PLCB4: variants seen among roughly 807,000 people sequenced by gnomAD.
PLCB4 encodes the protein phospholipase C beta 4.
In PLCB4, 77 loss-of-function variants were observed where a neutral mutation model predicts 178.8. That is an observed-to-expected ratio of 0.43 (90% CI 0.36 to 0.52). The LOEUF is 0.52. Among genes scored for constraint, PLCB4 ranks in the 20% least tolerant of loss-of-function variants. The probability of loss-of-function intolerance (pLI) is 0.00; values close to 1 mark genes in which losing one functional copy is unlikely to be tolerated. For synonymous variants in PLCB4, 496 were observed against 490.8 expected, an observed-to-expected ratio of 1.01 and a Z score of -0.14; for missense variants, 1,024 against 1,453.4, an observed-to-expected ratio of 0.70 and a Z score of 4.80.
intron 3 of PLCB4, among the ~76,000 whole-genome samples, chr20:9,267,834 G>A (rs957295947): frequency 2.0e-5 from 3 of 152,092 alleles, no homozygotes; most frequent in Non-Finnish European, 4.4e-5. Context: ...ATGGATTAAT[G>A]GAGTAATGGG....
Position 9,395,670 on chromosome 20 carries a change from A to G in PLCB4, c.1510+52A>G, listed in dbSNP as rs1006230369. The G allele has an allele frequency of 5.2e-6, 7 of 1,337,154 alleles. No individual in the cohort carries two copies. The East Asian group carries it at 1.6e-4, about 31-fold the overall frequency. The allele number at this position is 1,337,154 out of a possible 1,614,324, so 82.8% of individuals were successfully genotyped here. On this transcript the variant is annotated intron_variant, in intron 19 of 39. Transcript: ENST00000378473. ...TACATGCTTTGAAAATACTTTTTAAATAAGAAAACCAGGCTGGGCACAGTG... is the reference window on the plus strand; with the variant it reads ...TACATGCTTTGAAAATACTTTTTAAGTAAGAAAACCAGGCTGGGCACAGTG...
At chr20:9,404,630 C>G (rs527469736) in intron 20 of PLCB4, among the ~76,000 whole-genome samples, 16 of 148,916 alleles carry the variant, frequency 1.1e-4, no homozygotes, top group Non-Finnish European at 2.1e-4. Flanking sequence ...AAAAAAGTTG[C>G]TAAAGCCTTC....
At chr20:9,267,586 TG>T (rs141115434) in intron 3 of PLCB4, among the ~76,000 whole-genome samples, 5,241 of 152,172 alleles carry the variant, frequency 0.034, 335 homozygotes, top group African/African-American at 0.12. Context: ...TTGACCTTTT[TG>T]GGGGGTTAAA....
intron 2 of PLCB4, among the ~76,000 whole-genome samples, chr20:9,156,252 A>G (rs2092786062): frequency 6.6e-6 from 1 of 152,052 alleles, no homozygotes; most frequent in South Asian, 2.1e-4. Flanking sequence ...AATGGGCAAT[A>G]CCTCTCTCAA....
At chr20:9,460,808 A>C (rs1313377726) in intron 35 of PLCB4, among the ~76,000 whole-genome samples, 3 of 152,232 alleles carry the variant, frequency 2.0e-5, no homozygotes, top group Non-Finnish European at 2.9e-5. Context: ...ATTACTTTGG[A>C]GTGACAGATA....
At chr20:9,073,531 A>T (rs1378401468) in intron 1 of PLCB4, among the ~76,000 whole-genome samples, 1 of 152,172 alleles carries the variant, frequency 6.6e-6, no homozygotes, top group African/African-American at 2.4e-5. Flanking sequence ...TTTGATAATT[A>T]TATTTCAATG....
intron 2 of PLCB4, among the ~76,000 whole-genome samples, chr20:9,130,984 C>T (rs1388085803): frequency 6.6e-6 from 1 of 152,138 alleles, no homozygotes; most frequent in African/African-American, 2.4e-5. Context: ...TCTTGCATGT[C>T]CATGGGCCTC....
At chr20:9,392,193 A>G (rs2038203976) in intron 17 of PLCB4, among the ~76,000 whole-genome samples, 1 of 152,222 alleles carries the variant, frequency 6.6e-6, no homozygotes, top group Non-Finnish European at 1.5e-5. Flanking sequence ...GGTTCTTGGC[A>G]TCTTGAACAA....
intron 9 of PLCB4, among the ~76,000 whole-genome samples, chr20:9,366,522 A>G (rs2035800785): frequency 6.6e-6 from 1 of 151,892 alleles, no homozygotes; most frequent in Admixed American, 6.6e-5. Context: ...AGGATTCCCC[A>G]TGCATCCCTC....
At chr20:9,391,557 A>C (rs10485731) in intron 17 of PLCB4, among the ~76,000 whole-genome samples, 7,103 of 152,070 alleles carry the variant, frequency 0.047, 402 homozygotes, top group East Asian at 0.24. Context: ...ATGGGAACTG[A>C]AAAAAAATAT....
chr20:9,256,732 T>C (rs910828405), intron 3 of PLCB4, among the ~76,000 whole-genome samples: 1 of 152,244 alleles, frequency 6.6e-6, no homozygotes, highest in African/African-American at 2.4e-5. Flanking sequence ...GTTTTCCATC[T>C]GAGTTGGAAA....
Position 9,337,375 on chromosome 20 carries a change from A to G in PLCB4, c.165+169A>G, listed in dbSNP as rs370564071. Among the ~76,000 whole-genome samples, 16 of 152,340 alleles carry G rather than the reference A, an allele frequency of 1.1e-4. No individual in the cohort carries two copies. The East Asian group carries it at 2.7e-3, about 26-fold the overall frequency. On this transcript the variant is annotated intron_variant, in intron 5 of 39. Transcript: ENST00000378473. ...GCATTGAAGTATACAGTGATGATTA[A>G]GGACATTATCCTCATAGATTCCAGT...
chr20:9,431,701 G>A (rs2041425872), intron 28 of PLCB4, among the ~76,000 whole-genome samples: 2 of 148,536 alleles, frequency 1.3e-5, no homozygotes, highest in African/African-American at 5.0e-5. Flanking sequence ...GTAAAGATAG[G>A]ATTTCACCAT....
At chr20:9,369,201 C>G (rs1193853153) in intron 9 of PLCB4, among the ~76,000 whole-genome samples, 1 of 152,108 alleles carries the variant, frequency 6.6e-6, no homozygotes, top group Non-Finnish European at 1.5e-5. Context: ...TGATTTCATG[C>G]CCACGTTGAT....
At position 9,408,014 on chromosome 20, in the gene PLCB4, AC is replaced by A; in HGVS notation, c.1746del (p.Tyr583ThrfsTer5). 1 of 1,613,812 alleles carries A rather than the reference AC, an allele frequency of 6.2e-7. No homozygotes were observed. The highest frequency in any genetic ancestry group is 8.5e-7 in the Non-Finnish European group (1 of 1,179,672). ...NIHPYLSTMI[N>X]YAQPVKFQGF... ...CATCCATATTTGTCCACAATGATCA[AC>A]TACGCCCAGCCTGTAAAGTTTCAAG... is the stretch of plus-strand genomic sequence containing the variant. On this transcript the variant is annotated frameshift_variant, in exon 22 of 40. Transcript: ENST00000378473. LOFTEE classifies it high-confidence loss of function.
intron 9 of PLCB4, among the ~76,000 whole-genome samples, chr20:9,369,134 A>G (rs34534018): frequency 0.069 from 10,560 of 152,204 alleles, 407 homozygotes; most frequent in Middle Eastern, 0.099. Context: ...TGTAGGAAAC[A>G]GAAGCTATTG....
At chr20:9,282,073 G>C (rs1280950486) in intron 3 of PLCB4, among the ~76,000 whole-genome samples, 2 of 151,880 alleles carry the variant, frequency 1.3e-5, no homozygotes, top group African/African-American at 4.8e-5. Flanking sequence ...AAGACAGTAG[G>C]AGCTATAAAC....
At chr20:9,381,487 C>T (rs8126019) in intron 13 of PLCB4, among the ~76,000 whole-genome samples, 14,950 of 152,160 alleles carry the variant, frequency 0.098, 1,778 homozygotes, top group African/African-American at 0.27. Flanking sequence ...AAGGCAGTTG[C>T]GATCTGTTCA....
chr20:9,154,403 G>C (rs2092745980), intron 2 of PLCB4, among the ~76,000 whole-genome samples: 1 of 152,130 alleles, frequency 6.6e-6, no homozygotes, highest in Non-Finnish European at 1.5e-5. Flanking sequence ...GGCAATTTCT[G>C]CTACATTTGG....
Sources: gnomAD v4.1 joint callset for allele counts (sites outside exome capture counted in the v4.1 genomes callset) on GRCh38, gnomAD v4.1.1 for gene constraint, MANE v1.5 for transcripts, NCBI Gene and HGNC (gene_info 2026-07-23, HGNC 2026-07-21) for gene names.